Variants in MITF observed in about 807,000 individuals in gnomAD.
MITF encodes microphthalmia-associated transcription factor.
MITF carries 17 observed loss-of-function variants against 60.5 expected under a neutral mutation model. That is an observed-to-expected ratio of 0.28 (90% CI 0.19 to 0.42). The LOEUF (loss-of-function observed/expected upper bound fraction) is 0.42, where lower values mean the gene tolerates loss of function less well. MITF is among the 10% of genes least tolerant of loss of function. The pLI is 1.00. For missense variants in MITF, 622 were observed against 683.5 expected, an observed-to-expected ratio of 0.91 and a Z score of 1.00; for synonymous variants, 260 against 248.5, an observed-to-expected ratio of 1.05 and a Z score of -0.43.
At chr3:69,876,374 C>CTTAT (rs895781810) in intron 1 of MITF, among the ~76,000 whole-genome samples, 1 of 152,086 alleles carries the variant, frequency 6.6e-6, no homozygotes, top group African/African-American at 2.4e-5. Flanking sequence ...AGTAAGGCCG[C>CTTAT]TTATTTATTT....
At chr3:69,954,068 T>C (rs2066336585) in intron 7 of MITF, among the ~76,000 whole-genome samples, 1 of 152,184 alleles carries the variant, frequency 6.6e-6, no homozygotes, top group African/African-American at 2.4e-5. Context: ...TTTGAAATTT[T>C]TTACTAGCTT....
At chr3:69,775,626 T>G (rs1413435602) in intron 1 of MITF, among the ~76,000 whole-genome samples, 3 of 152,218 alleles carry the variant, frequency 2.0e-5, no homozygotes, top group Non-Finnish European at 4.4e-5. Context: ...TTTCCAGAAA[T>G]GAGCTTTAAT....
In MITF at chr3:69,964,956, A is replaced by G. The variant is rs1472070909; in HGVS notation, c.1289A>G (p.Asn430Ser). The change falls in exon 10 of 10, where the codon AAC (asparagine) becomes AGC (serine). Residue 430 changes from asparagine to serine, a missense_variant. Physicochemically the swap from Asn to Ser is conservative, Grantham distance 46. This residue lies in a region of MITF where 224 missense variants were observed against 209.5 expected (regional missense o/e 1.07). Transcript: ENST00000352241. ...RIIKQEPVLENCSQDLLQHHA... is the reference protein window; with the variant it reads ...RIIKQEPVLESCSQDLLQHHA... Reference sequence around the variant, plus strand: ...ATCAAGCAAGAACCCGTTCTTGAGAACTGCAGCCAAGACCTCCTTCAGCAT... The same window carrying G: ...ATCAAGCAAGAACCCGTTCTTGAGAGCTGCAGCCAAGACCTCCTTCAGCAT... 1.9e-6 allele frequency: 3 copies of G among 1,613,998 alleles called. No individual in the cohort carries two copies. The African/African-American group carries it at 4.0e-5, about 22-fold the overall frequency.
At chr3:69,799,050 C>T (rs1291169637) in intron 1 of MITF, among the ~76,000 whole-genome samples, 1 of 152,138 alleles carries the variant, frequency 6.6e-6, no homozygotes, top group Non-Finnish European at 1.5e-5. Flanking sequence ...CTTGGATTAC[C>T]ATGGTATGTT....
intron 1 of MITF, among the ~76,000 whole-genome samples, chr3:69,838,261 TA>T (rs1432267795): frequency 6.6e-6 from 1 of 151,978 alleles, no homozygotes; most frequent in African/African-American, 2.4e-5. Context: ...CAGAAAAAGT[TA>T]TACACAGAAT....
intron 1 of MITF, among the ~76,000 whole-genome samples, chr3:69,755,168 A>G (rs1490761348): frequency 6.6e-6 from 1 of 152,236 alleles, no homozygotes; most frequent in Non-Finnish European, 1.5e-5. Flanking sequence ...TTTCATCATA[A>G]TTATAGACTA....
chr3:69,747,978 C>T (rs1241258147), intron 1 of MITF, among the ~76,000 whole-genome samples: 4 of 152,124 alleles, frequency 2.6e-5, no homozygotes, highest in African/African-American at 7.2e-5. Flanking sequence ...AACAAATAAC[C>T]AGTGTAGAAC....
intron 2 of MITF, among the ~76,000 whole-genome samples, chr3:69,911,902 A>G (rs1349152499): frequency 6.6e-6 from 1 of 152,188 alleles, no homozygotes; most frequent in Non-Finnish European, 1.5e-5. Flanking sequence ...CTACCATTTA[A>G]TGATTCCACC....
chr3:69,822,105 T>C (rs912360710), intron 1 of MITF, among the ~76,000 whole-genome samples: 1 of 152,238 alleles, frequency 6.6e-6, no homozygotes, highest in African/African-American at 2.4e-5. Context: ...CTTCTGAGTT[T>C]ATAGATGATA....
intron 2 of MITF, among the ~76,000 whole-genome samples, chr3:69,895,185 GTTTAT>G (rs752225003): frequency 3.3e-5 from 5 of 152,180 alleles, no homozygotes; most frequent in East Asian, 1.9e-4. Flanking sequence ...GAAACATTAG[GTTTAT>G]TTTAAGTGTT....
chr3:69,847,361 C>T (rs2063749855), intron 1 of MITF, among the ~76,000 whole-genome samples: 1 of 152,128 alleles, frequency 6.6e-6, no homozygotes, highest in African/African-American at 2.4e-5. Flanking sequence ...TGTTTCCTTC[C>T]TAAGAAGGAC....
chr3:69,835,528 T>C (rs2063526727), intron 1 of MITF, among the ~76,000 whole-genome samples: 1 of 152,166 alleles, frequency 6.6e-6, no homozygotes, highest in East Asian at 1.9e-4. Context: ...ATTTTTGAGG[T>C]CTTATTTAAA....
chr3:69,831,541 T>C (rs2063448208), intron 1 of MITF, among the ~76,000 whole-genome samples: 1 of 152,186 alleles, frequency 6.6e-6, no homozygotes. Context: ...CCTCAAGACA[T>C]ATTTCTATAT....
intron 2 of MITF, among the ~76,000 whole-genome samples, chr3:69,914,701 T>C (rs557050272): frequency 7.9e-5 from 12 of 152,270 alleles, no homozygotes; most frequent in African/African-American, 2.4e-4. Flanking sequence ...TGCCAAGGGC[T>C]GGGTAGTTCT....
At chr3:69,853,474 T>A (rs531906222) in intron 1 of MITF, among the ~76,000 whole-genome samples, 6 of 152,220 alleles carry the variant, frequency 3.9e-5, no homozygotes, top group African/African-American at 1.4e-4. Context: ...ATTAAATATA[T>A]CATACATATA....
At chr3:69,842,992 T>C (rs1276587540) in intron 1 of MITF, among the ~76,000 whole-genome samples, 1 of 152,200 alleles carries the variant, frequency 6.6e-6, no homozygotes. Flanking sequence ...GCCAAGGGCT[T>C]TGGCATTGAC....
intron 2 of MITF, among the ~76,000 whole-genome samples, chr3:69,921,938 G>A (rs935364470): frequency 1.3e-5 from 2 of 152,136 alleles, no homozygotes; most frequent in African/African-American, 2.4e-5. Context: ...ACTGGATGCC[G>A]GTAGTAGCAC....
chr3:69,899,270 G>T (rs898792210), intron 2 of MITF, among the ~76,000 whole-genome samples: 9 of 152,150 alleles, frequency 5.9e-5, no homozygotes, highest in Admixed American at 5.9e-4. Context: ...AAGAAGTGAG[G>T]TCCAGAGTGG....
chr3:69,870,162 C>CA (rs540814984), intron 1 of MITF, among the ~76,000 whole-genome samples: 238 of 109,960 alleles, frequency 2.2e-3, no homozygotes, highest in African/African-American at 4.5e-3. Flanking sequence ...AAAAAACAGG[C>CA]AAAAAAAAAA....
Sources: gnomAD v4.1 joint callset for allele counts (sites outside exome capture counted in the v4.1 genomes callset) on GRCh38, gnomAD v4.1.1 for gene constraint, gnomAD v4.1.1 regional missense constraint, MANE v1.5 for transcripts, NCBI Gene and HGNC (gene_info 2026-07-23, HGNC 2026-07-21) for gene names.